PROS1: variants seen among roughly 807,000 people sequenced by gnomAD.
The protein encoded by PROS1 is protein S.
Under a neutral mutation model 75.9 loss-of-function variants are expected in PROS1, and 29 were observed. That is an observed-to-expected ratio of 0.38 (90% confidence interval 0.28 to 0.52). The LOEUF is 0.52. PROS1 is among the 20% of genes least tolerant of loss of function. The pLI, the probability that PROS1 is intolerant of heterozygous loss-of-function variation, is 0.83. For synonymous variants in PROS1, 245 were observed against 280.6 expected (o/e 0.87, Z 1.27); for missense variants, 680 against 810.3 (o/e 0.84, Z 1.95).
chr3:93,911,396 A>G (rs1028220860), intron 3 of PROS1, among the ~76,000 whole-genome samples: 1 of 152,240 alleles, frequency 6.6e-6, no homozygotes, highest in African/African-American at 2.4e-5. Context: ...TAAAGACACC[A>G]TATGTATTAC....
At chr3:93,971,355 CTAAATAAATAAATAAA>C (rs62998164) in intron 1 of PROS1, among the ~76,000 whole-genome samples, 45 of 136,872 alleles carry the variant, frequency 3.3e-4, no homozygotes, top group South Asian at 1.2e-3. Flanking sequence ...GACTCCATCT[CTAAATAAATAAATAAA>C]TAAATAAATA....
chr3:93,954,746 G>A (rs909445306), intron 1 of PROS1, among the ~76,000 whole-genome samples: 15 of 151,888 alleles, frequency 9.9e-5, no homozygotes, highest in Non-Finnish European at 1.6e-4. Flanking sequence ...TAAACTAAAG[G>A]GCTTCTGCAC....
At chr3:93,942,123 C>T (rs988182454) in intron 1 of PROS1, among the ~76,000 whole-genome samples, 4 of 152,258 alleles carry the variant, frequency 2.6e-5, no homozygotes, top group Admixed American at 2.0e-4. Context: ...GGCAGTTCCA[C>T]CAGGCCAAAT....
At chr3:93,923,268 C>G (rs1245794011) in intron 3 of PROS1, among the ~76,000 whole-genome samples, 1 of 152,164 alleles carries the variant, frequency 6.6e-6, no homozygotes, top group Non-Finnish European at 1.5e-5. Flanking sequence ...CCCCAGAACA[C>G]ATAATGCTGT....
At chr3:93,943,055 T>C (rs145061810) in intron 1 of PROS1, among the ~76,000 whole-genome samples, 1 of 152,302 alleles carries the variant, frequency 6.6e-6, no homozygotes, top group African/African-American at 2.4e-5. Context: ...AATTCTTCAG[T>C]TTGGGCTTCC....
chr3:93,919,128 C>T (rs898240608), intron 3 of PROS1, among the ~76,000 whole-genome samples: 6 of 152,112 alleles, frequency 3.9e-5, no homozygotes, highest in Non-Finnish European at 8.8e-5. Context: ...TACAAGAAGG[C>T]GGAAAGTACA....
chr3:93,956,410 T>C (rs1450815863), intron 1 of PROS1, among the ~76,000 whole-genome samples: 2 of 152,024 alleles, frequency 1.3e-5, no homozygotes, highest in African/African-American at 2.4e-5. Flanking sequence ...GGTAGGAGGA[T>C]TGCCTAAGCC....
intron 1 of PROS1, among the ~76,000 whole-genome samples, chr3:93,956,744 T>A (rs1252246565): frequency 6.6e-6 from 1 of 152,136 alleles, no homozygotes; most frequent in African/African-American, 2.4e-5. Flanking sequence ...AAGTCTCACA[T>A]CAAACTAATA....
intron 1 of PROS1, among the ~76,000 whole-genome samples, chr3:93,972,729 A>C (rs568351327): frequency 6.6e-6 from 1 of 151,902 alleles, no homozygotes; most frequent in Non-Finnish European, 1.5e-5. Context: ...GGCACCTGTA[A>C]TCCCAGCTGC....
intron 10 of PROS1, among the ~76,000 whole-genome samples, chr3:93,888,345 C>G (rs910777250): frequency 2.6e-5 from 4 of 152,108 alleles, no homozygotes; most frequent in African/African-American, 7.2e-5. Context: ...CAAGCTTTGA[C>G]AAGTGTTATA....
rs187121329 is a variant in PROS1 at position 93,877,208 on chromosome 3, A to C, written c.1645-17T>G. 1.3e-6 allele frequency: 2 copies of C among 1,556,658 alleles called. No individual in the cohort carries two copies. Among genetic ancestry groups the C allele is most frequent in the East Asian group, 4.5e-5 (2 of 44,544 alleles). ...CAGAATATCCTGAAGAGCAGAGCAAAGATTCAATATAAGCAAGGAGTAAGA... is the reference window on the plus strand; with the variant it reads ...CAGAATATCCTGAAGAGCAGAGCAACGATTCAATATAAGCAAGGAGTAAGA... On this transcript the variant is annotated splice_polypyrimidine_tract_variant and intron_variant, in intron 13 of 14. Coordinates refer to ENST00000394236, the MANE Select transcript of PROS1 (RefSeq NM_000313.4).
chr3:93,969,899 A>G (rs1393347676), intron 1 of PROS1, among the ~76,000 whole-genome samples: 9 of 152,228 alleles, frequency 5.9e-5, no homozygotes, highest in Admixed American at 2.0e-4. Flanking sequence ...CTCAAGCTGC[A>G]AAAATATAAA....
Position 93,893,228 on chromosome 3 carries a change from A to C in PROS1, c.966-106T>G, listed in dbSNP as rs1030176861. 5.9e-6 allele frequency: 6 copies of C among 1,023,362 alleles called. No individual in the cohort carries two copies. The African/African-American group carries it at 8.1e-5, about 14-fold the overall frequency. The allele number at this position is 1,023,362 out of a possible 1,614,324, so 63.4% of individuals were successfully genotyped here. ...CAAACAGTAACACAGACAAAGAGTC[A>C]ATTATTTATTTCTTTTTCTGGAATT... On this transcript the variant is annotated intron_variant, in intron 9 of 14. Transcript: ENST00000394236.
chr3:93,876,297 T>G lies in PROS1; in HGVS notation c.1870+669A>C, dbSNP rs182200559. Among the ~76,000 whole-genome samples, 327 of 152,250 alleles carry G rather than the reference T, an allele frequency of 2.1e-3. 1 individual carries two copies. The highest frequency in any genetic ancestry group is 7.5e-3 in the African/African-American group (313 of 41,550). On this transcript the variant is annotated intron_variant, in intron 14 of 14. Transcript: ENST00000394236. The stretch of plus-strand genomic sequence containing the variant: ...TTTGTTTTGCAATAGTTGATGGTAG[T>G]TAGATACTACAACTATTGTCACTGC...
intron 3 of PROS1, among the ~76,000 whole-genome samples, chr3:93,912,574 C>A (rs1237553598): frequency 1.3e-5 from 2 of 152,092 alleles, no homozygotes; most frequent in Non-Finnish European, 2.9e-5. Context: ...GAGCCCCTAT[C>A]TGAGTCCACT....
intron 1 of PROS1, among the ~76,000 whole-genome samples, chr3:93,958,961 C>G (rs572210295): frequency 1.1e-3 from 174 of 152,266 alleles, no homozygotes; most frequent in African/African-American, 4.0e-3. Flanking sequence ...AAAATTGACA[C>G]TTTTTGAAAA....
intron 1 of PROS1, among the ~76,000 whole-genome samples, chr3:93,972,564 T>C (rs930051667): frequency 1.3e-5 from 2 of 151,766 alleles, no homozygotes; most frequent in African/African-American, 2.4e-5. Context: ...TTTGGCCAGG[T>C]GCGGTGGCTC....
At chr3:93,945,505 A>T (rs1477434984) in intron 1 of PROS1, among the ~76,000 whole-genome samples, 1 of 152,242 alleles carries the variant, frequency 6.6e-6, no homozygotes, top group East Asian at 1.9e-4. Context: ...CTGGTTCAAC[A>T]TATGTAAATC....
intron 3 of PROS1, among the ~76,000 whole-genome samples, chr3:93,913,213 G>C (rs1708786725): frequency 1.3e-5 from 2 of 152,094 alleles, no homozygotes; most frequent in Non-Finnish European, 2.9e-5. Context: ...GCTGCCTTGT[G>C]AAGAAGATGC....
Sources: gnomAD v4.1 joint callset for allele counts (sites outside exome capture counted in the v4.1 genomes callset) on GRCh38, gnomAD v4.1.1 for gene constraint, MANE v1.5 for transcripts, NCBI Gene and HGNC (gene_info 2026-07-23, HGNC 2026-07-21) for gene names.